The following NR2F1 variants were observed in gnomAD, a reference collection of about 807,000 sequenced individuals.
NR2F1 encodes the protein nuclear receptor subfamily 2 group F member 1, also known as COUP transcription factor 1.
NR2F1 carries 1 observed loss-of-function variant against 37.7 expected under a neutral mutation model. That is an observed-to-expected ratio of 0.03 (90% CI 0.01 to 0.13). The LOEUF (loss-of-function observed/expected upper bound fraction) is 0.13. Ranked by LOEUF, NR2F1 falls within the 10% of genes least tolerant of loss-of-function variation. The pLI, the probability that NR2F1 is intolerant of heterozygous loss-of-function variation, is 1.00. For synonymous variants in NR2F1, 275 were observed against 259.6 expected (o/e 1.06, Z -0.57); for missense variants, 268 against 578.4 (o/e 0.46, Z 5.50).
intron 2 of NR2F1, among the ~76,000 whole-genome samples, chr5:93,589,153 A>T (rs1753289045): frequency 6.6e-6 from 1 of 152,262 alleles, no homozygotes; most frequent in Admixed American, 6.5e-5. Context: ...ACCCGCAAGT[A>T]TGGGAGGATT....
Position 93,585,260 on chromosome 5 carries a change from G to A in NR2F1, c.237G>A (p.Gln79=), listed in dbSNP as rs199844882. ...DKGQGPPGSG[Q]SQQHIECVVC... ...GCCAGGGCCCGCCCGGTTCGGGCCA[G>A]AGCCAGCAGCACATCGAGTGCGTGG... The change falls in exon 1 of 3, where the codon CAG becomes CAA. Residue 79 remains glutamine, a synonymous_variant. Coordinates refer to ENST00000327111, the MANE Select transcript of NR2F1 (RefSeq NM_005654.6). 1.3e-6 allele frequency: 2 copies of A among 1,584,950 alleles called. No homozygotes were observed. Among genetic ancestry groups the A allele is most frequent in the Non-Finnish European group, 8.6e-7 (1 of 1,165,630 alleles).
In NR2F1 at chr5:93,588,063, G is replaced by A. The variant is rs967428663; in HGVS notation, c.610G>A (p.Gly204Ser). 1.2e-6 allele frequency: 2 copies of A among 1,613,948 alleles called. No individual in the cohort carries two copies. Among genetic ancestry groups the A allele is most frequent in the African/African-American group, 1.3e-5 (1 of 74,946 alleles). The change falls in exon 2 of 3, where the codon GGC becomes AGC. Residue 204 changes from glycine to serine, a missense_variant. Around this residue, in one of 5 missense-constraint regions of NR2F1, gnomAD observed 42 missense variants for 72.5 expected, o/e 0.58. Transcript: ENST00000327111. ...RAEPYPTSRYGSQCMQPNNIM... is the reference protein window; with the variant it reads ...RAEPYPTSRYSSQCMQPNNIM... The stretch of plus-strand genomic sequence containing the variant: ...CGAGCCCTACCCCACGTCGCGCTAC[G>A]GCAGCCAGTGCATGCAGCCCAACAA...
chr5:93,591,140 T>A (rs2149944646), intron 2 of NR2F1, among the ~76,000 whole-genome samples: 1 of 152,374 alleles, frequency 6.6e-6, no homozygotes, highest in East Asian at 1.9e-4. Flanking sequence ...GTAATGGTTA[T>A]TTATTTACAT....
At chr5:93,585,681 C>G (rs914106289) in intron 1 of NR2F1, 195 bp downstream of exon 1, 4 of 584,150 alleles carry the variant, frequency 6.8e-6, no homozygotes, top group Non-Finnish European at 3.1e-6. Flanking sequence ...GCTGCCTCCC[C>G]CTCCCGGCCT....
intron 1 of NR2F1, chr5:93,587,708 C>G: frequency 1.7e-6 from 1 of 573,876 alleles, no homozygotes; most frequent in East Asian, 2.9e-5. Flanking sequence ...GGGGCTCAGG[C>G]AGTGGCTGGA....
chr5:93,592,298 A>G (rs1753344100), intron 2 of NR2F1: 1 of 152,050 alleles, frequency 6.6e-6, no homozygotes, highest in Non-Finnish European at 1.5e-5. Context: ...CCAGATCTAT[A>G]TATTAGCAAA....
At chr5:93,589,609 C>T (rs1317970266) in intron 2 of NR2F1, among the ~76,000 whole-genome samples, 1 of 152,232 alleles carries the variant, frequency 6.6e-6, no homozygotes, top group Admixed American at 6.5e-5. Flanking sequence ...ATAAATCTAT[C>T]CTAGAACCAG....
chr5:93,587,778 A>T, intron 1 of NR2F1, 139 bp from the exon 2 acceptor site: 1 of 865,860 alleles, frequency 1.2e-6, no homozygotes, highest in Non-Finnish European at 1.8e-6. Flanking sequence ...GTGGACTGTG[A>T]GAGCGAGCCG....
rs1298079478 is a variant in NR2F1 at position 93,584,848 on chromosome 5, G to A, written c.-176G>A. On this transcript the variant is annotated 5_prime_UTR_variant, in exon 1 of 3. Transcript: ENST00000327111. ...CGGCGGCAGCGGCGGCGGCGGCGGA[G>A]GCAGCGGCCGGTGTCCGGCTCGGGC... 2 of 157,560 alleles carry A rather than the reference G, an allele frequency of 1.3e-5. No individual in the cohort carries two copies. The highest frequency in any genetic ancestry group is 1.9e-4 in the East Asian group (1 of 5,246). The allele number at this position is 157,560 out of a possible 1,614,324, so 9.8% of individuals were successfully genotyped here. A position where few individuals can be genotyped will look rare whatever the true frequency, so the allele number is the denominator to read the frequency against.
chr5:93,586,089 G>A (rs1753228032), intron 1 of NR2F1, among the ~76,000 whole-genome samples: 1 of 152,090 alleles, frequency 6.6e-6, no homozygotes, highest in African/African-American at 2.4e-5. Context: ...GGGAAGGGGG[G>A]CTTCTGGCCC....
rs533917207 is a variant in NR2F1, at chr5:93,585,585, C to G, written c.463+99C>G. The G allele has an allele frequency of 8.3e-4, 795 of 952,794 alleles. 5 individuals carry two copies. In the African/African-American group the frequency reaches 0.012, roughly 14 times the overall value. 59.0% of individuals were successfully genotyped at this position (952,794 alleles called of 1,614,324 possible). ...GTGGTTGCTGTGTGGGGCTGGGGCT[C>G]CTGTGGTCCCGGCCCGTCCCAGCTT... On this transcript the variant is annotated intron_variant, in intron 1 of 2. Transcript: ENST00000327111.
In NR2F1 at chr5:93,593,582, G is replaced by A. The variant is rs1232861954; in HGVS notation, c.1012G>A (p.Ala338Thr). ...FTSDACGLSD[A>T]AHIESLQEKS... The stretch of plus-strand genomic sequence containing the variant: ...GGCAGACGCCTGTGGCCTGTCGGAT[G>A]CGGCCCACATCGAGAGCCTGCAGGA... The change falls in exon 3 of 3, where the codon GCG becomes ACG. Residue 338 changes from alanine (A) to threonine (T), a missense_variant. Physicochemically the swap from Ala to Thr is moderately conservative, Grantham distance 58. Coordinates refer to ENST00000327111, the MANE Select transcript of NR2F1 (RefSeq NM_005654.6). This position sits in a 1 kb window ranked among gnomAD's most constrained non-coding sequence, Gnocchi z 5.6. 1 of 1,613,596 alleles carries A rather than the reference G, an allele frequency of 6.2e-7. No homozygotes were observed. Among genetic ancestry groups the A allele is most frequent in the African/African-American group, 1.3e-5 (1 of 74,890 alleles).
intron 2 of NR2F1, among the ~76,000 whole-genome samples, chr5:93,590,904 A>T (rs1753318429): frequency 6.6e-6 from 1 of 152,242 alleles, no homozygotes; most frequent in Non-Finnish European, 1.5e-5. Context: ...TAAAAAATTC[A>T]TTAGTTCATA....
In NR2F1 at chr5:93,584,934, C is replaced by CA; in HGVS notation, c.-90_-89insA. 6.3e-6 allele frequency: 1 copy of CA among 159,848 alleles called. No homozygotes were observed. Among genetic ancestry groups the CA allele is most frequent in the Non-Finnish European group, 1.3e-5 (1 of 79,374 alleles). 9.9% of individuals were successfully genotyped at this position (159,848 alleles called of 1,614,324 possible). A position where few individuals can be genotyped will look rare whatever the true frequency, so the allele number is the denominator to read the frequency against. On this transcript the variant is annotated 5_prime_UTR_variant, in exon 1 of 3. Coordinates refer to ENST00000327111, the MANE Select transcript of NR2F1 (RefSeq NM_005654.6). ...CCCGCCCCCTCCCCCTCCCCCCTTC[C>CA]CCTTCCCCTTCCCCTCCCAGCGCGC...
At chr5:93,587,876 C>T (rs1181929392) in intron 1 of NR2F1, 41 bp from the exon 2 acceptor site, 1 of 1,531,902 alleles carries the variant, frequency 6.5e-7, no homozygotes, top group Non-Finnish European at 8.8e-7. Context: ...CGCAAGCTCC[C>T]TGGATGCACA....
rs1322447590 is a variant in NR2F1 at position 93,585,231 on chromosome 5, A to AAGGGCC, written c.215_220dup (p.Gln72_Gly73dup). 1.3e-6 allele frequency: 2 copies of AAGGGCC among 1,553,492 alleles called. No homozygotes were observed. The highest frequency in any genetic ancestry group is 8.7e-7 in the Non-Finnish European group (1 of 1,149,390). On this transcript the variant is annotated inframe_insertion, in exon 1 of 3. Coordinates refer to ENST00000327111, the MANE Select transcript of NR2F1 (RefSeq NM_005654.6). ...CGCCACCCCCGGCACGGCGGGGGAC[A>AAGGGCC]AGGGCCAGGGCCCGCCCGGTTCGGG...
chr5:93,593,902 A>G lies in NR2F1; in HGVS notation c.*60A>G. The G allele has an allele frequency of 6.5e-7, 1 of 1,530,672 alleles. No homozygotes were observed. Among genetic ancestry groups the G allele is most frequent in the Non-Finnish European group, 8.9e-7 (1 of 1,123,814 alleles). The allele number at this position is 1,530,672 out of a possible 1,614,324, so 94.8% of individuals were successfully genotyped here. On this transcript the variant is annotated 3_prime_UTR_variant, in exon 3 of 3. Coordinates refer to ENST00000327111, the MANE Select transcript of NR2F1 (RefSeq NM_005654.6). The surrounding 1 kb of genome is among the most constrained non-coding windows in gnomAD (Gnocchi z 5.6). ...GAGACTCAGAGGACCCACCTGGGCC[A>G]AGGACTCCAAAGCCGCGGGGACACC... is the stretch of plus-strand genomic sequence containing the variant.
chr5:93,585,593 C>T, intron 1 of NR2F1, 107 bp downstream of exon 1: 1 of 856,604 alleles, frequency 1.2e-6, no homozygotes, highest in Non-Finnish European at 1.8e-6. Flanking sequence ...CTCCTGTGGT[C>T]CCGGCCCGTC....
rs1019282462 is a variant in NR2F1 at position 93,588,287 on chromosome 5, C to A, written c.834C>A (p.Ala278=). The A allele has an allele frequency of 6.8e-6, 11 of 1,613,170 alleles. No individual in the cohort carries two copies. Among genetic ancestry groups the A allele is most frequent in the Admixed American group, 1.7e-5 (1 of 59,992 alleles). Residue 278 remains alanine (A), a synonymous_variant, in exon 2 of 3, where the codon GCC becomes GCA. Coordinates refer to ENST00000327111, the MANE Select transcript of NR2F1 (RefSeq NM_005654.6). ...SMPLHVAPLL[A]AAGLHASPMS... ...CGCTGCACGTGGCGCCGTTGCTGGC[C>A]GCCGCCGGCCTGCATGCCTCGCCCA...
Sources: allele counts gnomAD v4.1 joint callset (sites outside exome capture counted in the v4.1 genomes callset), GRCh38; gene constraint gnomAD v4.1.1; regional missense constraint gnomAD v4.1.1; non-coding constraint Gnocchi (gnomAD v3.1); transcripts MANE v1.5; gene names NCBI Gene and HGNC (gene_info 2026-07-23, HGNC 2026-07-21).